The following CFHR1 variants were observed in gnomAD, a reference collection of about 807,000 sequenced individuals.
CFHR1 encodes complement factor H-related protein 1.
In CFHR1, 22 loss-of-function variants were observed where a neutral mutation model predicts 30.4. The ratio of observed to expected loss-of-function variants is 0.72; its 90% confidence interval spans 0.52 to 1.03. CFHR1 has a LOEUF of 1.03. Ranked by LOEUF, CFHR1 falls within the 50% of genes least tolerant of loss-of-function variation. CFHR1 has a pLI of 0.00. For synonymous variants in CFHR1, 95 were observed against 129.1 expected (o/e 0.74, Z 1.79); for missense variants, 248 against 380.6 (o/e 0.65, Z 2.90).
intron 2 of CFHR1, 193 bp downstream of exon 2, chr1:196,825,864 G>T: frequency 7.6e-6 from 4 of 524,946 alleles, no homozygotes; most frequent in Non-Finnish European, 1.3e-5. Context: ...ACTGTCTTGT[G>T]TTACCTGGAA....
Position 196,831,930 on chromosome 1 carries a change from A to T in CFHR1, c.924A>T (p.Ser308=). The T allele has an allele frequency of 6.6e-7, 1 of 1,525,536 alleles. No homozygotes were observed. The highest frequency in any genetic ancestry group is 8.9e-7 in the Non-Finnish European group (1 of 1,129,200). 94.5% of individuals were successfully genotyped at this position (1,525,536 alleles called of 1,614,324 possible). ...GTAAACGGGGATATCGTCTTTCATC[A>T]CGTTCTCACACATTGCGAACAACAT... ...FVCKRGYRLS[S]RSHTLRTTCW... is the part of the protein sequence containing the mutation. The change falls in exon 6 of 6, where the codon TCA becomes TCT. Residue 308 remains serine, a synonymous_variant. Transcript: ENST00000320493.
At chr1:196,830,355 A>T in intron 4 of CFHR1, 145 bp from the exon 5 acceptor site, 1 of 916,948 alleles carries the variant, frequency 1.1e-6, no homozygotes, top group Non-Finnish European at 1.6e-6. Context: ...TAAAGGATTA[A>T]AATTTCTTCC....
intron 2 of CFHR1, 129 bp from the exon 3 acceptor site, chr1:196,826,700 T>A: frequency 1.1e-6 from 1 of 902,438 alleles, no homozygotes; most frequent in Non-Finnish European, 1.7e-6. Context: ...TCCACTCGCC[T>A]CAGCCTCCCA....
chr1:196,828,361 G>T, intron 4 of CFHR1, 115 bp downstream of exon 4: 4 of 811,796 alleles, frequency 4.9e-6, no homozygotes, highest in Non-Finnish European at 7.3e-6. Context: ...CAAATAAAAT[G>T]ATTGATGGTG....
intron 2 of CFHR1, 197 bp downstream of exon 2, chr1:196,825,868 C>A: frequency 2.0e-6 from 1 of 502,964 alleles, no homozygotes; most frequent in Non-Finnish European, 3.4e-6. Context: ...TCTTGTGTTA[C>A]CTGGAAATGC....
rs566291635 is a variant in CFHR1, at chr1:196,830,229, G to A, written c.608-271G>A. Reference sequence around the variant, plus strand: ...TGTCATAGTTTTCTATGTTTAGCATGTATTCATTCGGAAAGATATTTCTTA... The same window carrying A: ...TGTCATAGTTTTCTATGTTTAGCATATATTCATTCGGAAAGATATTTCTTA... On this transcript the variant is annotated intron_variant, in intron 4 of 5. Transcript: ENST00000320493. Among the ~76,000 whole-genome samples, 4 of 135,168 alleles carry A rather than the reference G, an allele frequency of 3.0e-5. 1 individual carries two copies. The highest frequency in any genetic ancestry group is 7.1e-5 in the Admixed American group (1 of 14,046). The allele number at this position is 135,168 out of a possible 152,430, so 88.7% of individuals were successfully genotyped here.
chr1:196,822,412 C>T (rs423812), intron 1 of CFHR1, among the ~76,000 whole-genome samples: 60,573 of 130,848 alleles, frequency 0.46, 19,710 homozygotes, highest in East Asian at 0.55. Context: ...TTGTGTCTTT[C>T]GAGATAATAT....
At chr1:196,829,828 T>C (rs1324035486) in intron 4 of CFHR1, among the ~76,000 whole-genome samples, 1 of 135,410 alleles carries the variant, frequency 7.4e-6, no homozygotes, top group Non-Finnish European at 1.6e-5. Context: ...TATAAGTTTA[T>C]GCCTTATTGT....
chr1:196,830,793 C>A, intron 5 of CFHR1, 111 bp downstream of exon 5: 2 of 1,358,712 alleles, frequency 1.5e-6, no homozygotes, highest in Non-Finnish European at 2.0e-6. Flanking sequence ...TGCTGAATGC[C>A]TGCCTACCAA....
intron 4 of CFHR1, among the ~76,000 whole-genome samples, chr1:196,828,531 C>A (rs1349210175): frequency 1.5e-5 from 2 of 131,682 alleles, no homozygotes; most frequent in Non-Finnish European, 3.2e-5. Flanking sequence ...ATAAAAGATA[C>A]ATTATGTGCA....
rs1389869626 is a variant in CFHR1, at chr1:196,824,306, C to G, written c.59-1171C>G. On this transcript the variant is annotated intron_variant, in intron 1 of 5. Transcript: ENST00000320493. The stretch of plus-strand genomic sequence containing the variant: ...AGTCTTGCTCTGTCGCCCCCAGGCT[C>G]GAGTTTAGTGGCATGATCTCCGCTC... Among the ~76,000 whole-genome samples, 9 of 132,820 alleles carry G rather than the reference C, an allele frequency of 6.8e-5. 1 individual carries two copies. The highest frequency in any genetic ancestry group is 9.8e-5 in the African/African-American group (3 of 30,526). 87.1% of individuals were successfully genotyped at this position (132,820 alleles called of 152,430 possible).
intron 1 of CFHR1, among the ~76,000 whole-genome samples, chr1:196,824,467 A>T (rs1167897587): frequency 7.7e-6 from 1 of 129,916 alleles, no homozygotes; most frequent in Non-Finnish European, 1.6e-5. Context: ...CATGTTGGCC[A>T]GGCTGGTCTC....
chr1:196,831,399 C>A (rs1655553646), intron 5 of CFHR1, among the ~76,000 whole-genome samples: 3 of 134,444 alleles, frequency 2.2e-5, no homozygotes, highest in Non-Finnish European at 4.7e-5. Context: ...ATAAACAATA[C>A]AATATTATTA....
chr1:196,828,162 G>C lies in CFHR1; in HGVS notation c.523G>C (p.Glu175Gln), dbSNP rs388862. Residue 175 changes from glutamate (E) to glutamine (Q), a missense_variant, in exon 4 of 6, where the codon GAA becomes CAA. Around this residue, in one of 3 missense-constraint regions of CFHR1, gnomAD observed 15 missense variants for 61.7 expected, o/e 0.24. Transcript: ENST00000320493. ...TCCATCTGGTGAGAGAGTACGTTAT[G>C]AATGTAGGAGCCCTTATGAAATGTT... ...KYPSGERVRY[E>Q]CRSPYEMFGD... 125,893 of 959,468 alleles carry C rather than the reference G, an allele frequency of 0.13. 50,301 individuals are homozygous for C. The highest frequency in any genetic ancestry group is 0.36 in the East Asian group (9,770 of 26,814). The allele number at this position is 959,468 out of a possible 1,614,324, so 59.4% of individuals were successfully genotyped here. A position where few individuals can be genotyped will look rare whatever the true frequency, so the allele number is the denominator to read the frequency against.
At chr1:196,825,208 T>C (rs1290280412) in intron 1 of CFHR1, 1 of 302,308 alleles carries the variant, frequency 3.3e-6, no homozygotes, top group Non-Finnish European at 6.0e-6. Context: ...GTGTGGGTTT[T>C]ATTCTTGAAG....
chr1:196,820,354 A>C (rs1333291681), intron 1 of CFHR1, among the ~76,000 whole-genome samples: 2 of 91,674 alleles, frequency 2.2e-5, no homozygotes, highest in East Asian at 6.0e-4. Flanking sequence ...ATTTCAATTG[A>C]ATTATCCTTC....
chr1:196,824,550 A>T (rs1247918383), intron 1 of CFHR1, among the ~76,000 whole-genome samples: 1 of 132,060 alleles, frequency 7.6e-6, no homozygotes. Flanking sequence ...GAGCTACCAC[A>T]CTCAGCCCTC....
At chr1:196,826,006 C>A in intron 2 of CFHR1, 1 of 208,200 alleles carries the variant, frequency 4.8e-6, no homozygotes, top group Non-Finnish European at 9.1e-6. Flanking sequence ...CATTTTTATA[C>A]ATATTCTGTT....
rs1410356664 is a variant in CFHR1, at chr1:196,831,332, T to C, written c.791-465T>C. On this transcript the variant is annotated intron_variant, in intron 5 of 5. Coordinates refer to ENST00000320493, the MANE Select transcript of CFHR1 (RefSeq NM_002113.3). ...TTGGGTGTAGGTGGGTGTGTGAGTATGTGTGTGTGTGTTTGTGGTGAGGAC... is the reference window on the plus strand; with the variant it reads ...TTGGGTGTAGGTGGGTGTGTGAGTACGTGTGTGTGTGTTTGTGGTGAGGAC... 1.5e-5 allele frequency among the ~76,000 whole-genome samples: 2 copies of C among 134,576 alleles called. 1 individual carries two copies. The highest frequency in any genetic ancestry group is 3.1e-5 in the Non-Finnish European group (2 of 64,114). The allele number at this position is 134,576 out of a possible 152,430, so 88.3% of individuals were successfully genotyped here. A position where few individuals can be genotyped will look rare whatever the true frequency, so the allele number is the denominator to read the frequency against.
Sources: allele counts gnomAD v4.1 joint callset (sites outside exome capture counted in the v4.1 genomes callset), GRCh38; gene constraint gnomAD v4.1.1; regional missense constraint gnomAD v4.1.1; transcripts MANE v1.5; gene names NCBI Gene and HGNC (gene_info 2026-07-23, HGNC 2026-07-21).